RERE: variants seen among roughly 807,000 people sequenced by gnomAD.
The protein encoded by RERE is arginine-glutamic acid dipeptide repeats protein.
RERE carries 40 observed loss-of-function variants against 146.1 expected under a neutral mutation model. The observed-to-expected ratio is 0.27, with a 90% CI of 0.21 to 0.36. The LOEUF (loss-of-function observed/expected upper bound fraction) is 0.36, where lower values mean the gene tolerates loss of function less well. Among genes scored for constraint, RERE ranks in the 10% least tolerant of loss-of-function variants. The pLI is 1.00. For missense variants in RERE, 1,933 were observed against 2,138.7 expected (o/e 0.90, Z 1.90); for synonymous variants, 1,003 against 866.0 (o/e 1.16, Z -2.78).
intron 3 of RERE, among the ~76,000 whole-genome samples, chr1:8,617,715 A>T (rs7544052): frequency 0.63 from 94,611 of 151,100 alleles, 30,026 homozygotes; most frequent in East Asian, 0.83. Flanking sequence ...TTCATAACAC[A>T]TGGCCTTTTC....
At chr1:8,397,228 GTA>G (rs750544577) in intron 12 of RERE, among the ~76,000 whole-genome samples, 2 of 152,160 alleles carry the variant, frequency 1.3e-5, no homozygotes, top group Non-Finnish European at 2.9e-5. Flanking sequence ...CTCTTCACAC[GTA>G]TTGTGATGGC....
At chr1:8,718,442 C>G (rs373462396) in intron 1 of RERE, among the ~76,000 whole-genome samples, 3 of 152,250 alleles carry the variant, frequency 2.0e-5, no homozygotes, top group Non-Finnish European at 4.4e-5. Context: ...GAAATGCCTT[C>G]TATTTCATGA....
intron 11 of RERE, among the ~76,000 whole-genome samples, chr1:8,462,260 G>A (rs1570277779): frequency 6.6e-6 from 1 of 152,190 alleles, no homozygotes; most frequent in Non-Finnish European, 1.5e-5. Context: ...CTCATATGGA[G>A]AGAAACTATC....
intron 1 of RERE, among the ~76,000 whole-genome samples, chr1:8,774,439 C>T (rs184494092): frequency 2.1e-4 from 32 of 150,980 alleles, no homozygotes; most frequent in African/African-American, 7.6e-4. Context: ...CCCCAACCTC[C>T]GCCTCCTGGG....
At chr1:8,694,985 G>GGGGGGA (rs1557486422) in intron 1 of RERE, among the ~76,000 whole-genome samples, 2 of 79,412 alleles carry the variant, frequency 2.5e-5, no homozygotes, top group African/African-American at 1.0e-4. Flanking sequence ...GGGGGGGGGG[G>GGGGGGA]AATGCTGGCA....
chr1:8,514,467 C>T (rs1052821961), intron 7 of RERE, among the ~76,000 whole-genome samples: 3 of 152,170 alleles, frequency 2.0e-5, no homozygotes, highest in Non-Finnish European at 4.4e-5. Context: ...AGGTGGCTCA[C>T]GCCTGTAATC....
intron 7 of RERE, among the ~76,000 whole-genome samples, 181 bp downstream of exon 7, chr1:8,541,033 C>G (rs574155343): frequency 6.6e-6 from 1 of 152,202 alleles, no homozygotes; most frequent in South Asian, 2.1e-4. Context: ...CTTTAGATGT[C>G]AAAGACATTA....
At chr1:8,402,186 G>A (rs778225975) in intron 12 of RERE, among the ~76,000 whole-genome samples, 11 of 152,272 alleles carry the variant, frequency 7.2e-5, no homozygotes, top group South Asian at 6.2e-4. Flanking sequence ...TAACTTCTAA[G>A]GCTAGGTCAG....
rs1222337472 is a variant in RERE, at chr1:8,812,539, C to T, written c.-145+4621G>A. 3.3e-5 allele frequency among the ~76,000 whole-genome samples: 5 copies of T among 152,048 alleles called. No homozygotes were observed. The East Asian group carries it at 5.8e-4, about 18-fold the overall frequency. On this transcript the variant is annotated intron_variant, in intron 1 of 22. Coordinates refer to ENST00000400908, the MANE Select transcript of RERE (RefSeq NM_001042681.2). ...GCACATGTCTGTAATCCCAGCTACT[C>T]GGGAGACTGAGGCAGGAAAATCGCT... is the stretch of plus-strand genomic sequence containing the variant.
intron 1 of RERE, among the ~76,000 whole-genome samples, chr1:8,785,975 T>C (rs1472948882): frequency 6.6e-6 from 1 of 151,976 alleles, no homozygotes; most frequent in Admixed American, 6.6e-5. Context: ...TCAGAACACA[T>C]CATTTTATCA....
chr1:8,768,077 C>T (rs1243585693), intron 1 of RERE, among the ~76,000 whole-genome samples: 1 of 152,098 alleles, frequency 6.6e-6, no homozygotes, highest in Non-Finnish European at 1.5e-5. Context: ...TAGTCACAGG[C>T]CATTTGGAGT....
chr1:8,522,134 A>G (rs1645509775), intron 7 of RERE, among the ~76,000 whole-genome samples: 1 of 152,230 alleles, frequency 6.6e-6, no homozygotes, highest in Admixed American at 6.5e-5. Flanking sequence ...CTCATGCTTT[A>G]TCACCCACAG....
chr1:8,507,735 A>ATTTTTTTTTTTT (rs1404147445), intron 8 of RERE, among the ~76,000 whole-genome samples: 3 of 41,408 alleles, frequency 7.2e-5, no homozygotes, highest in African/African-American at 2.8e-4. Context: ...AACATCTTTT[A>ATTTTTTTTTTTT]TCTTTTTTTT....
intron 8 of RERE, among the ~76,000 whole-genome samples, chr1:8,501,474 T>C (rs1570350419): frequency 2.5e-5 from 2 of 79,466 alleles, no homozygotes; most frequent in African/African-American, 6.3e-5. Context: ...GGAGCCCCTC[T>C]GCCCGGCCAG....
At chr1:8,688,560 C>CA (rs59131646) in intron 1 of RERE, among the ~76,000 whole-genome samples, 4,285 of 137,140 alleles carry the variant, frequency 0.031, 156 homozygotes, top group African/African-American at 0.097. Flanking sequence ...GACTCCATCT[C>CA]AAAAAAAAAA....
intron 12 of RERE, among the ~76,000 whole-genome samples, chr1:8,403,986 A>G (rs1364051904): frequency 3.3e-5 from 5 of 151,406 alleles, no homozygotes; most frequent in Admixed American, 3.3e-4. Context: ...ACGCGTCACC[A>G]CGTCCAGCTA....
intron 4 of RERE, among the ~76,000 whole-genome samples, chr1:8,586,193 G>A (rs79713052): frequency 2.5e-3 from 377 of 152,302 alleles, no homozygotes; most frequent in African/African-American, 7.1e-3. Flanking sequence ...CGAGAGATCT[G>A]CAGAGTATTT....
intron 1 of RERE, among the ~76,000 whole-genome samples, chr1:8,776,066 T>C (rs1405514629): frequency 6.6e-6 from 1 of 152,214 alleles, no homozygotes; most frequent in Non-Finnish European, 1.5e-5. Context: ...AATAATTAGT[T>C]TCATTATATT....
intron 1 of RERE, among the ~76,000 whole-genome samples, chr1:8,685,417 C>T (rs6687239): frequency 0.82 from 125,171 of 152,136 alleles, 51,696 homozygotes; most frequent in East Asian, 0.94. Context: ...CTAAGAAATC[C>T]ACAATAAAGA....
Sources: gnomAD v4.1 joint callset for allele counts (sites outside exome capture counted in the v4.1 genomes callset) on GRCh38, gnomAD v4.1.1 for gene constraint, MANE v1.5 for transcripts, NCBI Gene and HGNC (gene_info 2026-07-23, HGNC 2026-07-21) for gene names.